KAZN: variants seen among roughly 807,000 people sequenced by gnomAD.
KAZN encodes the protein kazrin, periplakin interacting protein.
A neutral mutation model predicts 87.4 loss-of-function variants in KAZN; 40 were observed. That is an observed-to-expected ratio of 0.46 (90% CI 0.36 to 0.60). The LOEUF is 0.60. KAZN is among the 20% of genes least tolerant of loss of function. KAZN has a pLI of 0.00. For synonymous variants in KAZN, 466 were observed against 458.3 expected, an observed-to-expected ratio of 1.02 and a Z score of -0.22; for missense variants, 898 against 1,073.9, an observed-to-expected ratio of 0.84 and a Z score of 2.29.
chr1:14,480,653 ATATT>A (rs201765047), intron 2 of KAZN, among the ~76,000 whole-genome samples: 2,457 of 145,546 alleles, frequency 0.017, 65 homozygotes, highest in Admixed American at 0.058. Flanking sequence ...ATAATATATA[ATATT>A]TATTTATAAT....
chr1:14,718,422 G>A (rs1288036032), intron 1 of KAZN, among the ~76,000 whole-genome samples: 1 of 152,218 alleles, frequency 6.6e-6, no homozygotes, highest in Non-Finnish European at 1.5e-5. Context: ...GGACGTCCTT[G>A]CGGGGACTTT....
intron 2 of KAZN, among the ~76,000 whole-genome samples, chr1:14,473,848 C>G (rs1297994679): frequency 6.6e-6 from 1 of 152,068 alleles, no homozygotes; most frequent in African/African-American, 2.4e-5. Flanking sequence ...GTATGGAACC[C>G]TCTGGTTATC....
Position 14,248,794 on chromosome 1 carries a change from A to T in KAZN, c.249+68202A>T, listed in dbSNP as rs138148755. ...CCTGAATCAAGGCAGTGTTGTAAAG[A>T]GGGTGAAACTGATGCTATGTGAGAC... On this transcript the variant is annotated intron_variant, in intron 2 of 16. Transcript: ENST00000636203. Among the ~76,000 whole-genome samples the T allele has an allele frequency of 3.6e-4, 55 of 152,296 alleles. 1 individual carries two copies. The East Asian group carries it at 8.9e-3, about 25-fold the overall frequency.
At chr1:14,783,105 C>T (rs1441044401) in intron 1 of KAZN, among the ~76,000 whole-genome samples, 2 of 152,132 alleles carry the variant, frequency 1.3e-5, no homozygotes, top group Non-Finnish European at 2.9e-5. Context: ...CCCTGAAGTG[C>T]TCAGTGCAGC....
At chr1:14,617,011 G>A (rs931686350) in intron 1 of KAZN, among the ~76,000 whole-genome samples, 2 of 152,140 alleles carry the variant, frequency 1.3e-5, no homozygotes, top group African/African-American at 2.4e-5. Context: ...TTCCATTGTT[G>A]TTTCTATTTA....
At chr1:14,803,193 A>T (rs1316512328) in intron 1 of KAZN, among the ~76,000 whole-genome samples, 2 of 152,192 alleles carry the variant, frequency 1.3e-5, no homozygotes, top group Non-Finnish European at 2.9e-5. Context: ...TGCTGAGGAA[A>T]GTATTGGTGT....
intron 2 of KAZN, among the ~76,000 whole-genome samples, chr1:14,399,953 C>G (rs964455561): frequency 4.6e-5 from 7 of 152,134 alleles, no homozygotes; most frequent in Non-Finnish European, 8.8e-5. Flanking sequence ...TTTTGTGTAT[C>G]AAGCTCTCAG....
chr1:14,149,273 T>TTG (rs1645423082), intron 1 of KAZN, among the ~76,000 whole-genome samples: 1 of 119,326 alleles, frequency 8.4e-6, no homozygotes, highest in Admixed American at 8.5e-5. Context: ...AGCTAATTTT[T>TTG]TGTATTTTTT....
chr1:14,497,857 G>T (rs1286806836), intron 2 of KAZN, among the ~76,000 whole-genome samples: 1 of 152,018 alleles, frequency 6.6e-6, no homozygotes, highest in African/African-American at 2.4e-5. Context: ...AATCTTCAAT[G>T]TAGAAGAAAA....
Position 14,880,937 on chromosome 1 carries a change from C to T in KAZN, c.227-79747C>T, listed in dbSNP as rs975446181. The stretch of plus-strand genomic sequence containing the variant: ...TGCTAGGCTCGTGCTGAGGGTTGAG[C>T]AGCAGCAAGATAACTCTTTGCCGGT... On this transcript the variant is annotated intron_variant, in intron 1 of 14. Coordinates refer to ENST00000376030, the MANE Select transcript of KAZN (RefSeq NM_201628.3). Among the ~76,000 whole-genome samples, 24 of 152,194 alleles carry T rather than the reference C, an allele frequency of 1.6e-4. 1 individual carries two copies. Among genetic ancestry groups the T allele is most frequent in the Non-Finnish European group, 1.5e-4 (10 of 68,042 alleles).
intron 13 of KAZN, among the ~76,000 whole-genome samples, chr1:15,106,593 G>A (rs1641303534): frequency 6.6e-6 from 1 of 152,146 alleles, no homozygotes; most frequent in Admixed American, 6.5e-5. Flanking sequence ...TGGTGGGGCA[G>A]GGACTTCTTC....
chr1:14,136,971 C>T (rs1175564774), intron 1 of KAZN, among the ~76,000 whole-genome samples: 2 of 152,142 alleles, frequency 1.3e-5, no homozygotes, highest in Admixed American at 6.5e-5. Context: ...GAGAGAAAGA[C>T]TTTGCCAGCC....
At chr1:14,490,615 C>G (rs968920235) in intron 2 of KAZN, among the ~76,000 whole-genome samples, 9 of 152,156 alleles carry the variant, frequency 5.9e-5, no homozygotes, top group African/African-American at 2.2e-4. Flanking sequence ...GCCTCAGCCT[C>G]CTGAGTAGCT....
At chr1:14,789,683 C>T (rs954016571) in intron 1 of KAZN, among the ~76,000 whole-genome samples, 5 of 140,146 alleles carry the variant, frequency 3.6e-5, no homozygotes, top group Non-Finnish European at 7.6e-5. Flanking sequence ...GTGTTCTGTC[C>T]TGTCCTCAAG....
chr1:14,443,913 C>T (rs1666832368), intron 2 of KAZN, among the ~76,000 whole-genome samples: 1 of 152,150 alleles, frequency 6.6e-6, no homozygotes, highest in Non-Finnish European at 1.5e-5. Context: ...CTTCAAGTTT[C>T]AATTTTTTTT....
At chr1:15,016,254 T>G (rs2102124605) in intron 2 of KAZN, among the ~76,000 whole-genome samples, 2 of 152,230 alleles carry the variant, frequency 1.3e-5, no homozygotes, top group Middle Eastern at 6.8e-3. Flanking sequence ...ACACCTTGAT[T>G]TCGAGCTTCT....
At chr1:14,667,395 GCAT>G (rs1382347289) in intron 1 of KAZN, among the ~76,000 whole-genome samples, 1 of 152,188 alleles carries the variant, frequency 6.6e-6, no homozygotes, top group African/African-American at 2.4e-5. Context: ...TTTCAGCCAA[GCAT>G]CAGTTTGCTC....
intron 1 of KAZN, among the ~76,000 whole-genome samples, chr1:14,875,238 G>A (rs772935688): frequency 2.0e-5 from 3 of 150,608 alleles, no homozygotes; most frequent in Non-Finnish European, 2.9e-5. Context: ...GGCTGAGGCA[G>A]GAGAATCACT....
chr1:14,534,644 CA>C (rs1255360607), intron 2 of KAZN, among the ~76,000 whole-genome samples: 2 of 151,878 alleles, frequency 1.3e-5, no homozygotes, highest in East Asian at 3.9e-4. Context: ...GACTCCATCT[CA>C]AAAAAATAAA....
Sources: allele counts gnomAD v4.1 joint callset (sites outside exome capture counted in the v4.1 genomes callset), GRCh38; gene constraint gnomAD v4.1.1; transcripts MANE v1.5; gene names NCBI Gene and HGNC (gene_info 2026-07-23, HGNC 2026-07-21).